The following LY75 variants were observed in gnomAD, a reference collection of about 807,000 sequenced individuals.
LY75 encodes the protein lymphocyte antigen 75, also known as C-type lectin domain family 13 member B.
Under a neutral mutation model 231.7 loss-of-function variants are expected in LY75, and 185 were observed. The ratio of observed to expected loss-of-function variants is 0.80; its 90% CI spans 0.71 to 0.90. The LOEUF (loss-of-function observed/expected upper bound fraction) is 0.90, where lower values mean the gene tolerates loss of function less well. Among genes scored for constraint, LY75 ranks in the 40% least tolerant of loss-of-function variants. LY75 has a pLI of 0.00. For missense variants in LY75, 1,947 were observed against 2,050.2 expected (o/e 0.95, Z 0.97); for synonymous variants, 668 against 689.0 (o/e 0.97, Z 0.48).
At chr2:159,846,779 T>C (rs1227504840) in intron 23 of LY75, among the ~76,000 whole-genome samples, 1 of 152,190 alleles carries the variant, frequency 6.6e-6, no homozygotes, top group African/African-American at 2.4e-5. Flanking sequence ...GCATATTTGA[T>C]ATTTCCAAAG....
intron 20 of LY75, 126 bp downstream of exon 20, chr2:159,853,147 T>C: frequency 1.0e-6 from 1 of 986,432 alleles, no homozygotes; most frequent in Non-Finnish European, 1.5e-6. Context: ...TTGTTGCTAA[T>C]AATAAATCAG....
At chr2:159,868,106 G>A (rs1479216094) in intron 13 of LY75, among the ~76,000 whole-genome samples, 1 of 152,126 alleles carries the variant, frequency 6.6e-6, no homozygotes, top group Admixed American at 6.6e-5. Context: ...TTAAGCCATG[G>A]TTACAATTTT....
At chr2:159,879,102 C>T (rs974600280) in intron 9 of LY75, among the ~76,000 whole-genome samples, 157 bp downstream of exon 9, 5 of 152,172 alleles carry the variant, frequency 3.3e-5, no homozygotes, top group African/African-American at 1.2e-4. Context: ...GGCCAATATG[C>T]TATGACTCAC....
chr2:159,883,435 G>C (rs1291018330), intron 6 of LY75, among the ~76,000 whole-genome samples: 1 of 151,974 alleles, frequency 6.6e-6, no homozygotes, highest in African/African-American at 2.4e-5. Flanking sequence ...TTATAATTAT[G>C]ATAAAGGAAC....
intron 12 of LY75, among the ~76,000 whole-genome samples, chr2:159,874,135 C>CGTATATATATTTTGTAAATATATAAAAA (rs1560093117): frequency 1.1e-5 from 1 of 92,096 alleles, no homozygotes; most frequent in Non-Finnish European, 2.1e-5. Context: ...AATATATAAA[C>CGTATATATATTTTGTAAATATATAAAAA]GTATATATAT....
intron 25 of LY75, among the ~76,000 whole-genome samples, chr2:159,838,615 C>G (rs1415848658): frequency 6.6e-6 from 1 of 152,112 alleles, no homozygotes; most frequent in African/African-American, 2.4e-5. Context: ...GTGACTGAAA[C>G]TAGGAAATGT....
At chr2:159,841,473 C>T (rs1684026819) in intron 24 of LY75, among the ~76,000 whole-genome samples, 2 of 152,108 alleles carry the variant, frequency 1.3e-5, no homozygotes, top group African/African-American at 2.4e-5. Flanking sequence ...CATGAGATAT[C>T]TACTTACAGT....
intron 13 of LY75, among the ~76,000 whole-genome samples, chr2:159,870,863 T>G (rs1041913731): frequency 2.6e-5 from 4 of 152,084 alleles, no homozygotes; most frequent in African/African-American, 4.8e-5. Context: ...AGAGATATAA[T>G]AGCCATTACC....
chr2:159,869,903 A>G (rs901343925), intron 13 of LY75, among the ~76,000 whole-genome samples: 1 of 152,214 alleles, frequency 6.6e-6, no homozygotes. Flanking sequence ...TTGAGGGAAT[A>G]GCTAACACTC....
intron 29 of LY75, among the ~76,000 whole-genome samples, chr2:159,818,926 A>G (rs767227820): frequency 1.3e-5 from 2 of 152,218 alleles, no homozygotes; most frequent in Non-Finnish European, 2.9e-5. Context: ...ATTGAGAAAA[A>G]GATGCTTTGC....
intron 1 of LY75, among the ~76,000 whole-genome samples, chr2:159,901,328 C>T (rs1686072220): frequency 6.6e-6 from 1 of 152,220 alleles, no homozygotes; most frequent in Admixed American, 6.5e-5. Context: ...AGTATTCTCT[C>T]TTGCCTCTCC....
chr2:159,815,641 C>T, intron 30 of LY75, 68 bp from the exon 31 acceptor site: 1 of 1,525,838 alleles, frequency 6.6e-7, no homozygotes, highest in Middle Eastern at 1.7e-4. Flanking sequence ...CAAAGAACAA[C>T]ATACATACTT....
intron 11 of LY75, among the ~76,000 whole-genome samples, chr2:159,876,493 T>A (rs1194547875): frequency 6.6e-6 from 1 of 152,162 alleles, no homozygotes; most frequent in Admixed American, 6.5e-5. Flanking sequence ...CTTGCTACCC[T>A]GAATGGGTGT....
intron 3 of LY75, 92 bp from the exon 4 acceptor site, chr2:159,890,469 T>C: frequency 2.6e-6 from 4 of 1,560,172 alleles, no homozygotes; most frequent in Non-Finnish European, 3.5e-6. Flanking sequence ...TCAATTTGCA[T>C]ACTCTTAGGA....
intron 23 of LY75, among the ~76,000 whole-genome samples, chr2:159,844,789 CTTTTT>C (rs143897451): frequency 7.1e-6 from 1 of 141,526 alleles, no homozygotes; most frequent in Non-Finnish European, 1.5e-5. Context: ...AGCTGTCATT[CTTTTT>C]TTTTTTTTTT....
At chr2:159,806,633 G>A (rs1157035202) in intron 34 of LY75, among the ~76,000 whole-genome samples, 1 of 152,134 alleles carries the variant, frequency 6.6e-6, no homozygotes, top group Non-Finnish European at 1.5e-5. Flanking sequence ...ATTAACTGCA[G>A]AAATAGACCT....
chr2:159,879,114 G>A, intron 9 of LY75, 145 bp downstream of exon 9: 1 of 883,320 alleles, frequency 1.1e-6, no homozygotes, highest in Non-Finnish European at 1.7e-6. Context: ...ATGACTCACT[G>A]CCTTCTGGCT....
chr2:159,866,642 G>A (rs1684865923), intron 13 of LY75, among the ~76,000 whole-genome samples: 1 of 152,148 alleles, frequency 6.6e-6, no homozygotes, highest in Admixed American at 6.6e-5. Flanking sequence ...AAACCACAGG[G>A]TCTAGACAAT....
rs1162978209 is a variant in LY75 at position 159,850,057 on chromosome 2, A to G, written c.3073T>C (p.Trp1025Arg). The G allele has an allele frequency of 1.2e-6, 2 of 1,613,968 alleles. No individual in the cohort carries two copies. Among genetic ancestry groups the G allele is most frequent in the South Asian group, 2.2e-5 (2 of 91,078 alleles). The change falls in exon 23 of 35, where the codon TGG (tryptophan) becomes CGG (arginine). Residue 1025 changes from tryptophan (W) to arginine (R), a missense_variant. Transcript: ENST00000263636. ...TACGTCAGCTCTCTGTTATCTGTCCATTTGTTTATCTTTTCATAGGCAGTC... is the reference window on the plus strand; with the variant it reads ...TACGTCAGCTCTCTGTTATCTGTCCGTTTGTTTATCTTTTCATAGGCAGTC... Reference protein sequence around the residue: ...RWTAYEKINKWTDNRELTYSN... With the variant: ...RWTAYEKINKRTDNRELTYSN...
Sources: allele counts gnomAD v4.1 joint callset (sites outside exome capture counted in the v4.1 genomes callset), GRCh38; gene constraint gnomAD v4.1.1; transcripts MANE v1.5; gene names NCBI Gene and HGNC (gene_info 2026-07-23, HGNC 2026-07-21).